Variants in PLXDC1 observed in about 807,000 individuals in gnomAD.
PLXDC1 encodes plexin domain-containing protein 1.
In PLXDC1, 39 loss-of-function variants were observed where a neutral mutation model predicts 61.3. The observed-to-expected ratio is 0.64, with a 90% confidence interval of 0.49 to 0.83. The LOEUF is 0.83. Ranked by LOEUF, PLXDC1 falls within the 40% of genes least tolerant of loss-of-function variation. The pLI is 0.00. For missense variants in PLXDC1, 596 were observed against 666.5 expected (o/e 0.89, Z 1.17); for synonymous variants, 212 against 254.5 (o/e 0.83, Z 1.59).
At chr17:39,128,089 C>CTGTGTATATATATATATA (rs1911375209) in intron 2 of PLXDC1, among the ~76,000 whole-genome samples, 1 of 68,804 alleles carries the variant, frequency 1.5e-5, no homozygotes, top group South Asian at 5.0e-4. Context: ...CTCTCTCTCT[C>CTGTGTATATATATATATA]TCTATGTGTA....
chr17:39,107,851 TG>T, intron 5 of PLXDC1: 1 of 570,280 alleles, frequency 1.8e-6, no homozygotes, highest in Non-Finnish European at 3.1e-6. Flanking sequence ...AGGGACATCC[TG>T]GTGAATGTAA....
chr17:39,102,323 G>GA (rs765988733), intron 7 of PLXDC1, among the ~76,000 whole-genome samples: 7 of 152,092 alleles, frequency 4.6e-5, no homozygotes, highest in Middle Eastern at 3.2e-3. Context: ...CACGGCAAGC[G>GA]AAAGAGTAGG....
intron 11 of PLXDC1, among the ~76,000 whole-genome samples, chr17:39,076,088 AAAGAAAAAAAAAAAAAG>A (rs1417430020): frequency 2.1e-4 from 18 of 85,526 alleles, no homozygotes; most frequent in African/African-American, 5.9e-4. Flanking sequence ...AAAAAAAAAA[AAAGAAAAAAAAAAAAAG>A]AAAGAAAAAA....
chr17:39,082,981 C>T lies in PLXDC1; in HGVS notation c.989+478G>A, dbSNP rs148778338. Among the ~76,000 whole-genome samples the T allele has an allele frequency of 4.6e-5, 7 of 152,338 alleles. No individual in the cohort carries two copies. The East Asian group carries it at 1.3e-3, about 29-fold the overall frequency. On this transcript the variant is annotated intron_variant, in intron 9 of 13. Coordinates refer to ENST00000315392, the MANE Select transcript of PLXDC1 (RefSeq NM_020405.5). ...CCCTGGTCTTCAGAAAAATCCCTTG[C>T]AGCCCAAGAAAGATCTTGAGGTGGT...
In PLXDC1 at chr17:39,078,050, T is replaced by C. The variant is rs377707710; in HGVS notation, c.1051-2A>G. 2.2e-5 allele frequency: 35 copies of C among 1,601,606 alleles called. No individual in the cohort carries two copies. Among genetic ancestry groups the C allele is most frequent in the Non-Finnish European group, 2.9e-5 (34 of 1,173,842 alleles). Reference sequence around the variant, plus strand: ...GTCCTCGCACATCCTGCCCTCTGCCTGCAGGAGAGAGCCAGTGCTGTGTCT... The same window carrying C: ...GTCCTCGCACATCCTGCCCTCTGCCCGCAGGAGAGAGCCAGTGCTGTGTCT... On this transcript the variant is annotated splice_acceptor_variant, in intron 10 of 13. Coordinates refer to ENST00000315392, the MANE Select transcript of PLXDC1 (RefSeq NM_020405.5). LOFTEE classifies it high-confidence loss of function.
At chr17:39,139,618 C>A (rs202195140) in intron 2 of PLXDC1, 36 bp downstream of exon 2, 1 of 1,543,504 alleles carries the variant, frequency 6.5e-7, no homozygotes, top group Non-Finnish European at 8.9e-7. Context: ...CCCCCACCCC[C>A]ACTTCGCTCC....
At chr17:39,094,436 G>A (rs1341752288) in intron 7 of PLXDC1, among the ~76,000 whole-genome samples, 1 of 152,074 alleles carries the variant, frequency 6.6e-6, no homozygotes, top group Non-Finnish European at 1.5e-5. Flanking sequence ...TCAAGACTCA[G>A]CTCAAATGAC....
At position 39,063,984 on chromosome 17, in the gene PLXDC1, C is replaced by T. The variant is rs1908803266; in HGVS notation, c.*3856G>A. The T allele has an allele frequency of 6.4e-6, 1 of 155,416 alleles. No individual in the cohort carries two copies. The allele number at this position is 155,416 out of a possible 1,614,324, so 9.6% of individuals were successfully genotyped here. Reference sequence around the variant, plus strand: ...TTTGAATAGTGTGGTTGGCTGGCAGCTCTTGTCATTGTTTATCTCTCAATT... The same window carrying T: ...TTTGAATAGTGTGGTTGGCTGGCAGTTCTTGTCATTGTTTATCTCTCAATT... On this transcript the variant is annotated 3_prime_UTR_variant, in exon 14 of 14. Coordinates refer to ENST00000315392, the MANE Select transcript of PLXDC1 (RefSeq NM_020405.5).
intron 1 of PLXDC1, among the ~76,000 whole-genome samples, chr17:39,148,968 G>A (rs544845898): frequency 2.6e-5 from 4 of 152,196 alleles, no homozygotes; most frequent in African/African-American, 9.6e-5. Flanking sequence ...GGACTCCCAG[G>A]CCAGGATGCC....
intron 7 of PLXDC1, chr17:39,096,895 T>C (rs1029335104): frequency 2.3e-5 from 11 of 471,100 alleles, no homozygotes; most frequent in African/African-American, 2.0e-4. Flanking sequence ...GTGTTTTGAG[T>C]GCCTCTGCAA....
rs1328682707 is a variant in PLXDC1 at position 39,092,301 on chromosome 17, C to T, written c.812-4599G>A. 2.2e-4 allele frequency among the ~76,000 whole-genome samples: 33 copies of T among 152,038 alleles called. 1 individual carries two copies. Among genetic ancestry groups the T allele is most frequent in the Admixed American group, 2.1e-3 (32 of 15,254 alleles). ...ACTACCCAGGCTGGTCTCCAACTCC[C>T]GGGCTCAAGCAATCTGCCTGCCTCA... On this transcript the variant is annotated intron_variant, in intron 7 of 13. Coordinates refer to ENST00000315392, the MANE Select transcript of PLXDC1 (RefSeq NM_020405.5).
intron 4 of PLXDC1, 31 bp downstream of exon 4, chr17:39,108,873 C>T: frequency 6.5e-7 from 1 of 1,550,176 alleles, no homozygotes; most frequent in Non-Finnish European, 8.9e-7. Flanking sequence ...GGTCTCCAGA[C>T]TCTCCCCGGG....
intron 9 of PLXDC1, chr17:39,079,565 C>T (rs1233690028): frequency 2.2e-6 from 1 of 457,130 alleles, no homozygotes; most frequent in Non-Finnish European, 4.4e-6. Context: ...AAAGGTAGGC[C>T]TCAGCAGACT....
intron 7 of PLXDC1, 67 bp from the exon 8 acceptor site, chr17:39,087,769 G>A (rs75592639): frequency 0.019 from 21,826 of 1,156,462 alleles, 276 homozygotes; most frequent in Middle Eastern, 0.09. Flanking sequence ...GCCTCTTCCC[G>A]GACAGTCTGA....
At chr17:39,134,395 G>A (rs1264095769) in intron 2 of PLXDC1, among the ~76,000 whole-genome samples, 1 of 152,028 alleles carries the variant, frequency 6.6e-6, no homozygotes, top group African/African-American at 2.4e-5. Context: ...GGAGGCCGAA[G>A]CGGGTGGATT....
In PLXDC1 at chr17:39,067,999, C is replaced by T. The variant is rs111446382; in HGVS notation, c.1384-40G>A. Reference sequence around the variant, plus strand: ...GAGGCAAAGTCAGTGGGCATGCCCCCGCCCCCATGGGGACCCCACACTCCT... The same window carrying T: ...GAGGCAAAGTCAGTGGGCATGCCCCTGCCCCCATGGGGACCCCACACTCCT... On this transcript the variant is annotated intron_variant, in intron 13 of 13. Transcript: ENST00000315392. 5.9e-5 allele frequency: 94 copies of T among 1,604,132 alleles called. 2 individuals are homozygous for T. In the African/African-American group the frequency reaches 6.4e-4, roughly 11 times the overall value.
intron 7 of PLXDC1, among the ~76,000 whole-genome samples, chr17:39,098,360 C>T (rs1418302557): frequency 1.3e-5 from 2 of 152,160 alleles, no homozygotes; most frequent in Admixed American, 6.5e-5. Flanking sequence ...GTGTCAGACC[C>T]CTGTTCTCAC....
At chr17:39,140,293 G>T (rs1268178386) in intron 1 of PLXDC1, among the ~76,000 whole-genome samples, 1 of 148,090 alleles carries the variant, frequency 6.8e-6, no homozygotes, top group Non-Finnish European at 1.5e-5. Context: ...TGTAGCCTGG[G>T]CATTCAATTT....
intron 2 of PLXDC1, among the ~76,000 whole-genome samples, chr17:39,128,105 A>ATATATACATATATATGTGTG (rs1555573186): frequency 2.4e-5 from 2 of 81,786 alleles, no homozygotes; most frequent in Admixed American, 1.2e-4. Context: ...GTGTATATAT[A>ATATATACATATATATGTGTG]TATATATATG....
Sources: allele counts gnomAD v4.1 joint callset (sites outside exome capture counted in the v4.1 genomes callset), GRCh38; gene constraint gnomAD v4.1.1; transcripts MANE v1.5; gene names NCBI Gene and HGNC (gene_info 2026-07-23, HGNC 2026-07-21).